The following BRWD1 variants were observed in gnomAD, a reference collection of about 807,000 sequenced individuals.
BRWD1 encodes the protein bromodomain and WD repeat domain containing 1.
In BRWD1, 82 loss-of-function variants were observed where a neutral mutation model predicts 251.2. The ratio of observed to expected loss-of-function variants is 0.33; its 90% CI spans 0.27 to 0.39. The LOEUF (loss-of-function observed/expected upper bound fraction) is 0.39. BRWD1 is among the 10% of genes least tolerant of loss of function. The probability of loss-of-function intolerance (pLI) is 1.00; values close to 1 mark genes in which losing one functional copy is unlikely to be tolerated. For synonymous variants in BRWD1, 918 were observed against 902.8 expected, an observed-to-expected ratio of 1.02 and a Z score of -0.30; for missense variants, 2,233 against 2,711.6, an observed-to-expected ratio of 0.82 and a Z score of 3.92.
intron 13 of BRWD1, among the ~76,000 whole-genome samples, chr21:39,272,008 CAAA>C (rs376900840): frequency 1.7e-5 from 2 of 115,172 alleles, no homozygotes; most frequent in Middle Eastern, 5.5e-3. Context: ...CACTCCATTT[CAAA>C]AAAAAAAAAA....
chr21:39,313,883 G>A (rs1012069255), upstream of BRWD1: 41 of 324,828 alleles, frequency 1.3e-4, no homozygotes, highest in Non-Finnish European at 2.1e-4. Context: ...GCGCAATGAG[G>A]CGGCTGCCCG....
upstream of BRWD1, among the ~76,000 whole-genome samples, chr21:39,317,420 A>C (rs1172849877): frequency 1.3e-5 from 2 of 152,204 alleles, no homozygotes; most frequent in East Asian, 1.9e-4. Context: ...GTGGCAAGCA[A>C]CTCCTGACTG....
intron 8 of BRWD1, among the ~76,000 whole-genome samples, chr21:39,280,546 A>C (rs918527872): frequency 6.6e-6 from 1 of 152,320 alleles, no homozygotes; most frequent in East Asian, 1.9e-4. Context: ...AATTAAAATG[A>C]TCAGACAAAA....
upstream of BRWD1, chr21:39,314,197 G>C (rs569140265): frequency 2.2e-6 from 1 of 455,848 alleles, no homozygotes; most frequent in Non-Finnish European, 4.4e-6. Flanking sequence ...CTCCCGCAGA[G>C]GGGAACGCCG....
intron 19 of BRWD1, among the ~76,000 whole-genome samples, chr21:39,252,502 C>T (rs2034429107): frequency 6.6e-6 from 1 of 152,094 alleles, no homozygotes; most frequent in South Asian, 2.1e-4. Context: ...AAATGATATC[C>T]TAACATACAG....
downstream of BRWD1, chr21:39,185,346 G>GAGTTA (rs1285245826): frequency 8.2e-6 from 1 of 121,876 alleles, no homozygotes; most frequent in Admixed American, 8.5e-5. Context: ...AGTCTTCACC[G>GAGTTA]AGTTAAGTAT....
intron 4 of BRWD1, among the ~76,000 whole-genome samples, chr21:39,304,557 T>C (rs1304021309): frequency 6.6e-6 from 1 of 151,928 alleles, no homozygotes; most frequent in African/African-American, 2.4e-5. Flanking sequence ...AAAGCTGCAG[T>C]GTGCCATGAT....
intron 18 of BRWD1, among the ~76,000 whole-genome samples, chr21:39,256,287 T>C (rs560503509): frequency 5.9e-5 from 9 of 152,292 alleles, no homozygotes; most frequent in Admixed American, 5.9e-4. Context: ...AATTGCACAC[T>C]AAAAAAAGTC....
intron 29 of BRWD1, chr21:39,219,535 G>A (rs1601307972): frequency 2.0e-5 from 3 of 152,330 alleles, no homozygotes; most frequent in African/African-American, 4.8e-5. Context: ...CTGGCTACCA[G>A]GTTAACTCAG....
intron 15 of BRWD1, among the ~76,000 whole-genome samples, chr21:39,268,967 G>T (rs948606232): frequency 6.6e-6 from 1 of 151,948 alleles, no homozygotes; most frequent in Non-Finnish European, 1.5e-5. Flanking sequence ...CAGCCTGGGC[G>T]ACAGAGCGAG....
intron 18 of BRWD1, 120 bp from the exon 19 acceptor site, chr21:39,255,948 G>A: frequency 1.1e-6 from 1 of 881,646 alleles, no homozygotes; most frequent in Non-Finnish European, 1.7e-6. Context: ...AGAGAAGATA[G>A]TATCTACTGA....
At position 39,244,921 on chromosome 21, in the gene BRWD1, AATATATATATATAT is replaced by A. The variant is rs56801824; in HGVS notation, c.2481+2766_2481+2779del. ...AGTTACATATAGAAACTTTGGAAGAAATATATATATATATATATATATATGCAGAAAAAGAAAAG... is the reference window on the plus strand; with the variant it reads ...AGTTACATATAGAAACTTTGGAAGAAATATATATATGCAGAAAAAGAAAAG... On this transcript the variant is annotated intron_variant, in intron 21 of 40. Transcript: ENST00000342449. 2.1e-4 allele frequency among the ~76,000 whole-genome samples: 24 copies of A among 112,522 alleles called. 1 individual carries two copies. The highest frequency in any genetic ancestry group is 3.4e-4 in the Non-Finnish European group (18 of 52,950). 73.8% of individuals were successfully genotyped at this position (112,522 alleles called of 152,430 possible).
chr21:39,192,709 C>T lies in BRWD1; in HGVS notation c.*3550G>A. The T allele has an allele frequency of 2.0e-6, 2 of 984,898 alleles. No homozygotes were observed. The highest frequency in any genetic ancestry group is 2.4e-6 in the Non-Finnish European group (2 of 829,698). 61.0% of individuals were successfully genotyped at this position (984,898 alleles called of 1,614,324 possible). ...GCAAAGCAAAAAGACCATTTTCTAG[C>T]CATTTAAAAGTTACTCAAAAAATTG... On this transcript the variant is annotated 3_prime_UTR_variant, in exon 41 of 41. Coordinates refer to ENST00000342449, the MANE Select transcript of BRWD1 (RefSeq NM_033656.4).
chr21:39,225,328 C>T (rs114971508), intron 27 of BRWD1, 131 bp from the exon 28 acceptor site: 143 of 610,050 alleles, frequency 2.3e-4, no homozygotes, highest in African/African-American at 2.3e-3. Context: ...AAGCAGCGCT[C>T]CTAAACAAAC....
At position 39,194,497 on chromosome 21, in the gene BRWD1, A is replaced by C; in HGVS notation, c.*1762T>G. The C allele has an allele frequency of 7.1e-7, 1 of 1,413,604 alleles. No individual in the cohort carries two copies. Among genetic ancestry groups the C allele is most frequent in the South Asian group, 1.6e-5 (1 of 63,542 alleles). 87.6% of individuals were successfully genotyped at this position (1,413,604 alleles called of 1,614,324 possible). A position where few individuals can be genotyped will look rare whatever the true frequency, so the allele number is the denominator to read the frequency against. On this transcript the variant is annotated 3_prime_UTR_variant, in exon 41 of 41. Transcript: ENST00000342449. Reference sequence around the variant, plus strand: ...TACTTAACACAAGTTCTGAGAAGAAAAGCATCATAGTTCTGAAATGGTGAT... The same window carrying C: ...TACTTAACACAAGTTCTGAGAAGAACAGCATCATAGTTCTGAAATGGTGAT...
In BRWD1 at chr21:39,196,352, C is replaced by T. The variant is rs749445173; in HGVS notation, c.6717G>A (p.Thr2239=). ...TCACAGTCCTTCTACCCTGATTTCTCGTTTTTATTTTTGAACGTCGAAGAA... is the reference window on the plus strand; with the variant it reads ...TCACAGTCCTTCTACCCTGATTTCTTGTTTTTATTTTTGAACGTCGAAGAA... The part of the protein sequence containing the change: ...KRVLRRSKIK[T]RNQGRRTVRY... The change falls in exon 41 of 41, where the codon ACG becomes ACA. Residue 2239 remains threonine (T), a synonymous_variant. Transcript: ENST00000342449. 10 of 1,613,570 alleles carry T rather than the reference C, an allele frequency of 6.2e-6. No homozygotes were observed. The highest frequency in any genetic ancestry group is 3.3e-5 in the South Asian group (3 of 91,046).
rs11910039 is a variant in BRWD1, at chr21:39,187,941, T to C, written c.*8318A>G. 3 of 983,910 alleles carry C rather than the reference T, an allele frequency of 3.0e-6. No individual in the cohort carries two copies. The African/African-American group carries it at 5.2e-5, about 17-fold the overall frequency. The allele number at this position is 983,910 out of a possible 1,614,324, so 60.9% of individuals were successfully genotyped here. The stretch of plus-strand genomic sequence containing the variant: ...GAAGCTTTTAGACGAGAGGTGAAAA[T>C]TGTGAAGGGATTTGCCAGACAAAAA... On this transcript the variant is annotated 3_prime_UTR_variant, in exon 41 of 41. Transcript: ENST00000342449.
chr21:39,218,043 G>A (rs1251367515), intron 31 of BRWD1, 109 bp downstream of exon 31: 1 of 1,188,654 alleles, frequency 8.4e-7, no homozygotes, highest in Non-Finnish European at 1.1e-6. Context: ...TAATGAAACA[G>A]AAAATGCTAA....
Position 39,190,243 on chromosome 21 carries a change from T to A in BRWD1, c.*6016A>T. ...ATTCTAATTAGACTTTTTTTTAATT[T>A]TTAAGCTACCTTATTTACAGATTCT... is the stretch of plus-strand genomic sequence containing the variant. On this transcript the variant is annotated 3_prime_UTR_variant, in exon 41 of 41. Transcript: ENST00000342449. 1 of 982,268 alleles carries A rather than the reference T, an allele frequency of 1.0e-6. No homozygotes were observed. The allele number at this position is 982,268 out of a possible 1,614,324, so 60.8% of individuals were successfully genotyped here.
Sources: gnomAD v4.1 joint callset for allele counts (sites outside exome capture counted in the v4.1 genomes callset) on GRCh38, gnomAD v4.1.1 for gene constraint, MANE v1.5 for transcripts, NCBI Gene and HGNC (gene_info 2026-07-23, HGNC 2026-07-21) for gene names.